Variants in ATXN7 observed in about 807,000 individuals in gnomAD.
ATXN7 encodes the protein ataxin-7.
A neutral mutation model predicts 70.5 loss-of-function variants in ATXN7; 12 were observed. That is an observed-to-expected ratio of 0.17 (90% CI 0.11 to 0.28). The LOEUF (loss-of-function observed/expected upper bound fraction) is 0.28, where lower values mean the gene tolerates loss of function less well. Among genes scored for constraint, ATXN7 ranks in the 10% least tolerant of loss-of-function variants. The pLI is 1.00. For synonymous variants in ATXN7, 498 were observed against 448.7 expected (o/e 1.11, Z -1.39); for missense variants, 1,256 against 1,131.7 (o/e 1.11, Z -1.58).
chr3:63,922,354 C>T (rs1704545350), intron 4 of ATXN7, among the ~76,000 whole-genome samples: 1 of 152,110 alleles, frequency 6.6e-6, no homozygotes, highest in Non-Finnish European at 1.5e-5. Flanking sequence ...CAGTTTCATG[C>T]CTTCTTGGAC....
intron 4 of ATXN7, among the ~76,000 whole-genome samples, chr3:63,932,275 A>G (rs2074560918): frequency 6.6e-6 from 1 of 152,216 alleles, no homozygotes; most frequent in South Asian, 2.1e-4. Flanking sequence ...TTAATTACAG[A>G]AACATACAGT....
At chr3:63,917,053 G>A (rs1254219924) in intron 4 of ATXN7, among the ~76,000 whole-genome samples, 1 of 152,054 alleles carries the variant, frequency 6.6e-6, no homozygotes, top group Non-Finnish European at 1.5e-5. Context: ...CCAAGTAGCT[G>A]GGATTACAGG....
At chr3:63,941,188 A>G (rs1327186232) in intron 4 of ATXN7, among the ~76,000 whole-genome samples, 1 of 152,180 alleles carries the variant, frequency 6.6e-6, no homozygotes, top group Non-Finnish European at 1.5e-5. Flanking sequence ...TTAGTGAGTA[A>G]TTAATATTAG....
chr3:63,888,770 G>A (rs890230930), intron 1 of ATXN7, among the ~76,000 whole-genome samples: 15 of 152,062 alleles, frequency 9.9e-5, no homozygotes, highest in East Asian at 3.9e-4. Flanking sequence ...GCGAGACTCC[G>A]TATCAAAAAT....
chr3:63,962,776 T>C (rs2075151791), intron 5 of ATXN7, among the ~76,000 whole-genome samples: 1 of 152,148 alleles, frequency 6.6e-6, no homozygotes, highest in Non-Finnish European at 1.5e-5. Context: ...AAGTGGCTAA[T>C]AGGCCTTTTT....
At chr3:63,983,047 C>A in intron 8 of ATXN7, 26 bp downstream of exon 8, 1 of 1,578,256 alleles carries the variant, frequency 6.3e-7, no homozygotes, top group Admixed American at 1.7e-5. Flanking sequence ...AAAGTCAAGT[C>A]GACCATCCTG....
rs2075834511 is a variant in ATXN7 at position 64,001,653 on chromosome 3, A to T, written c.*2186A>T. On this transcript the variant is annotated 3_prime_UTR_variant, in exon 13 of 13. Transcript: ENST00000674280. ...TTGATTTCTTAGACTGAGGTTTTAA[A>T]TGAATTTCATTATTTCTCCCGGTAA... The T allele has an allele frequency of 2.0e-5, 3 of 152,354 alleles. No individual in the cohort carries two copies. In the South Asian group the frequency reaches 6.2e-4, roughly 32 times the overall value. 9.4% of individuals were successfully genotyped at this position (152,354 alleles called of 1,614,324 possible).
At chr3:63,887,753 T>G (rs1703131912) in intron 1 of ATXN7, among the ~76,000 whole-genome samples, 1 of 151,986 alleles carries the variant, frequency 6.6e-6, no homozygotes, top group Admixed American at 6.6e-5. Context: ...ACCCAGCTAA[T>G]TTTTGTATTT....
Position 63,909,025 on chromosome 3 carries a change from C to T in ATXN7, c.-11-3563C>T, listed in dbSNP as rs181280506. Among the ~76,000 whole-genome samples the T allele has an allele frequency of 1.4e-3, 216 of 152,324 alleles. 1 individual carries two copies. Among genetic ancestry groups the T allele is most frequent in the African/African-American group, 5.0e-3 (209 of 41,576 alleles). ...CCCTACTTACTACTTTTCTCACATACTCAGTGAAATTACTATCTTGTGTTC... is the reference window on the plus strand; with the variant it reads ...CCCTACTTACTACTTTTCTCACATATTCAGTGAAATTACTATCTTGTGTTC... On this transcript the variant is annotated intron_variant, in intron 2 of 12. Transcript: ENST00000674280.
At position 63,936,330 on chromosome 3, in the gene ATXN7, T is replaced by C. The variant is rs1374983335; in HGVS notation, c.395-16049T>C. 4.6e-5 allele frequency among the ~76,000 whole-genome samples: 7 copies of C among 152,170 alleles called. No homozygotes were observed. The South Asian group carries it at 8.3e-4, about 18-fold the overall frequency. The stretch of plus-strand genomic sequence containing the variant: ...GTTGAAACAGCCATCTGTGCTAACA[T>C]CAGTGACACAGCTTACTGTGTAGGA... On this transcript the variant is annotated intron_variant, in intron 4 of 12. Coordinates refer to ENST00000674280, the MANE Select transcript of ATXN7 (RefSeq NM_001377405.1).
chr3:63,999,426 TC>T, intron 12 of ATXN7, 23 bp from the exon 13 acceptor site: 2 of 1,589,058 alleles, frequency 1.3e-6, no homozygotes, highest in Non-Finnish European at 1.7e-6. Context: ...TTTCATTATT[TC>T]CCCACCCCCT....
At chr3:63,915,348 G>A (rs190790224) in intron 4 of ATXN7, among the ~76,000 whole-genome samples, 112 of 152,288 alleles carry the variant, frequency 7.4e-4, no homozygotes, top group Admixed American at 3.9e-3. Context: ...AGTTGAGACC[G>A]AAGTTTTAAA....
At chr3:63,971,304 A>T (rs1217483999) in intron 5 of ATXN7, among the ~76,000 whole-genome samples, 5 of 152,268 alleles carry the variant, frequency 3.3e-5, no homozygotes, top group African/African-American at 1.2e-4. Flanking sequence ...TGAATTCCCC[A>T]ACTTGAGATT....
intron 5 of ATXN7, chr3:63,968,572 C>G (rs967917423): frequency 1.3e-5 from 2 of 152,130 alleles, no homozygotes; most frequent in African/African-American, 4.8e-5. Flanking sequence ...CAGAACACTG[C>G]GTCAAGAGGA....
intron 4 of ATXN7, among the ~76,000 whole-genome samples, chr3:63,935,114 T>G (rs574025986): frequency 3.9e-5 from 6 of 152,162 alleles, no homozygotes; most frequent in Non-Finnish European, 7.4e-5. Flanking sequence ...TTAGTAAAGG[T>G]AATGAATGAA....
rs1188886851 is a variant in ATXN7, at chr3:63,910,772, C to T, written c.-11-1816C>T. On this transcript the variant is annotated intron_variant, in intron 2 of 12. Coordinates refer to ENST00000674280, the MANE Select transcript of ATXN7 (RefSeq NM_001377405.1). ...GTTTCACTTTTTGGACTTGTTTGCA[C>T]GCAATCCAGGAAAAAATTTTACAGA... is the stretch of plus-strand genomic sequence containing the variant. Among the ~76,000 whole-genome samples the T allele has an allele frequency of 3.3e-5, 5 of 152,052 alleles. No individual in the cohort carries two copies. The South Asian group carries it at 8.3e-4, about 25-fold the overall frequency.
chr3:63,928,405 A>AT (rs34342677), intron 4 of ATXN7, among the ~76,000 whole-genome samples: 40 of 150,000 alleles, frequency 2.7e-4, no homozygotes, highest in Admixed American at 4.0e-4. Context: ...TTGCATACCC[A>AT]TTTTTTTTTT....
intron 2 of ATXN7, among the ~76,000 whole-genome samples, chr3:63,908,155 C>G (rs1364466308): frequency 6.6e-6 from 1 of 152,214 alleles, no homozygotes; most frequent in Non-Finnish European, 1.5e-5. Context: ...ACTCTTGCAA[C>G]TTTCCTTATT....
chr3:63,879,707 G>C (rs1032865997), intron 1 of ATXN7, among the ~76,000 whole-genome samples: 1 of 152,034 alleles, frequency 6.6e-6, no homozygotes, highest in African/African-American at 2.4e-5. Context: ...GGCCAAGCTA[G>C]TCTCGAACTC....
Sources: allele counts gnomAD v4.1 joint callset (sites outside exome capture counted in the v4.1 genomes callset), GRCh38; gene constraint gnomAD v4.1.1; transcripts MANE v1.5; gene names NCBI Gene and HGNC (gene_info 2026-07-23, HGNC 2026-07-21).